NAALADL2: variants seen among roughly 807,000 people sequenced by gnomAD.
NAALADL2 encodes N-acetylated alpha-linked acidic dipeptidase like 2.
In NAALADL2, 76 loss-of-function variants were observed where a neutral mutation model predicts 87.2. That is an observed-to-expected ratio of 0.87 (90% CI 0.72 to 1.05). The LOEUF (loss-of-function observed/expected upper bound fraction) is 1.05, where lower values mean the gene tolerates loss of function less well. Among genes scored for constraint, NAALADL2 ranks in the 50% least tolerant of loss-of-function variants. The pLI, the probability that NAALADL2 is intolerant of heterozygous loss-of-function variation, is 0.00. For missense variants in NAALADL2, 1,089 were observed against 945.8 expected (o/e 1.15, Z -1.99); for synonymous variants, 354 against 331.0 (o/e 1.07, Z -0.75).
chr3:174,944,285 C>T (rs1331839584), intron 1 of NAALADL2, among the ~76,000 whole-genome samples: 1 of 152,130 alleles, frequency 6.6e-6, no homozygotes, highest in African/African-American at 2.4e-5. Flanking sequence ...GATCAGGCAC[C>T]TACTTTAAAA....
intron 4 of NAALADL2, among the ~76,000 whole-genome samples, chr3:175,304,570 TC>T (rs2110248405): frequency 6.6e-6 from 1 of 152,286 alleles, no homozygotes; most frequent in East Asian, 1.9e-4. Context: ...TGTGGCAGTC[TC>T]CTCTTTTGTT....
At chr3:175,231,821 A>G (rs977190084) in intron 2 of NAALADL2, among the ~76,000 whole-genome samples, 1 of 152,154 alleles carries the variant, frequency 6.6e-6, no homozygotes, top group Non-Finnish European at 1.5e-5. Context: ...GGATTTTAAC[A>G]GAATAAGGTA....
chr3:175,664,231 T>A (rs1051948214), intron 11 of NAALADL2, among the ~76,000 whole-genome samples: 1 of 152,100 alleles, frequency 6.6e-6, no homozygotes, highest in African/African-American at 2.4e-5. Context: ...GGTATAGAAC[T>A]ACCCTTTTAG....
intron 9 of NAALADL2, among the ~76,000 whole-genome samples, chr3:175,539,755 A>G (rs1711977511): frequency 6.6e-6 from 1 of 152,160 alleles, no homozygotes; most frequent in Admixed American, 6.5e-5. Context: ...AGCAATTTTG[A>G]GATAGGTCTT....
At chr3:174,882,742 T>C (rs1456314934) in intron 1 of NAALADL2, among the ~76,000 whole-genome samples, 15 of 140,494 alleles carry the variant, frequency 1.1e-4, no homozygotes, top group African/African-American at 1.8e-4. Context: ...TATCTATGTG[T>C]ATATACACAC....
chr3:174,566,246 T>C (rs1714250526), intron 2 of NAALADL2, among the ~76,000 whole-genome samples: 1 of 151,980 alleles, frequency 6.6e-6, no homozygotes, highest in Non-Finnish European at 1.5e-5. Flanking sequence ...ATTATTATTA[T>C]TAAATACAGA....
intron 2 of NAALADL2, among the ~76,000 whole-genome samples, chr3:174,703,303 CTTT>C (rs35658602): frequency 8.1e-6 from 1 of 123,216 alleles, no homozygotes; most frequent in Non-Finnish European, 1.7e-5. Context: ...CCATGCCTGG[CTTT>C]TTTTTTTTTT....
intron 5 of NAALADL2, among the ~76,000 whole-genome samples, chr3:175,360,907 T>C (rs957030683): frequency 3.3e-5 from 5 of 151,666 alleles, no homozygotes; most frequent in Non-Finnish European, 7.4e-5. Context: ...CTAGGGTACA[T>C]GTGTACAACG....
rs189273447 is a variant in NAALADL2, at chr3:174,962,512, C to A, written c.43+103062C>A. Among the ~76,000 whole-genome samples the A allele has an allele frequency of 8.4e-3, 1,237 of 147,752 alleles. 9 individuals are homozygous for A. The highest frequency in any genetic ancestry group is 0.012 in the Non-Finnish European group (814 of 67,504). On this transcript the variant is annotated intron_variant, in intron 1 of 13. Transcript: ENST00000454872. ...ATAATTTCAAATTAGTGAAGTTTCA[C>A]AAGTGGACCATACATAATAAAAGGC...
chr3:175,376,924 C>T (rs111526187), intron 5 of NAALADL2, among the ~76,000 whole-genome samples: 16 of 151,874 alleles, frequency 1.1e-4, no homozygotes, highest in South Asian at 8.3e-4. Context: ...TTTTTCATTT[C>T]GGGTATTCTG....
At chr3:175,054,118 A>T (rs1278569219) in intron 1 of NAALADL2, among the ~76,000 whole-genome samples, 1 of 152,256 alleles carries the variant, frequency 6.6e-6, no homozygotes, top group Non-Finnish European at 1.5e-5. Flanking sequence ...ACTCACATTC[A>T]TAGGCATATT....
chr3:174,661,820 C>A (rs144671567), intron 2 of NAALADL2, among the ~76,000 whole-genome samples: 1 of 151,996 alleles, frequency 6.6e-6, no homozygotes, highest in Non-Finnish European at 1.5e-5. Flanking sequence ...TATACACATG[C>A]GTGCACGCAC....
intron 12 of NAALADL2, among the ~76,000 whole-genome samples, chr3:175,746,439 G>A (rs916228622): frequency 7.9e-5 from 12 of 151,560 alleles, no homozygotes; most frequent in Admixed American, 6.6e-4. Context: ...CAGTTTGCCT[G>A]AGTCTATTTC....
intron 11 of NAALADL2, among the ~76,000 whole-genome samples, chr3:175,681,332 T>G (rs7636981): frequency 0.19 from 29,399 of 152,054 alleles, 5,095 homozygotes; most frequent in African/African-American, 0.46. Context: ...AGTTCTTGCA[T>G]TCTGAATGTT....
intron 4 of NAALADL2, among the ~76,000 whole-genome samples, chr3:175,317,860 C>A (rs1302079898): frequency 2.0e-5 from 3 of 152,082 alleles, no homozygotes; most frequent in African/African-American, 7.2e-5. Flanking sequence ...GCTAGTAAGA[C>A]TCTAACTTAG....
At chr3:175,321,025 C>A (rs1400245549) in intron 4 of NAALADL2, among the ~76,000 whole-genome samples, 1 of 151,564 alleles carries the variant, frequency 6.6e-6, no homozygotes, top group African/African-American at 2.4e-5. Context: ...CGGGCAGAGA[C>A]ACAACCAAAA....
chr3:174,931,195 A>T (rs1736841975), intron 1 of NAALADL2, among the ~76,000 whole-genome samples: 1 of 152,150 alleles, frequency 6.6e-6, no homozygotes, highest in African/African-American at 2.4e-5. Context: ...ACCAACCAAT[A>T]ATATCAGTTT....
chr3:175,314,591 A>G (rs1758805156), intron 4 of NAALADL2, among the ~76,000 whole-genome samples: 1 of 114,690 alleles, frequency 8.7e-6, no homozygotes, highest in Non-Finnish European at 1.8e-5. Flanking sequence ...ATATATATAT[A>G]TATATATAGG....
chr3:175,792,350 TTTCA>T (rs1490545205), intron 13 of NAALADL2, among the ~76,000 whole-genome samples: 3 of 132,540 alleles, frequency 2.3e-5, no homozygotes, highest in Non-Finnish European at 5.2e-5. Context: ...TAAATCATTC[TTTCA>T]TTAATACCTC....
Sources: gnomAD v4.1 joint callset for allele counts (sites outside exome capture counted in the v4.1 genomes callset) on GRCh38, gnomAD v4.1.1 for gene constraint, MANE v1.5 for transcripts, NCBI Gene and HGNC (gene_info 2026-07-23, HGNC 2026-07-21) for gene names.